The following NCEH1 variants were observed in gnomAD, a reference collection of about 807,000 sequenced individuals.
NCEH1 encodes the protein neutral cholesterol ester hydrolase 1.
A neutral mutation model predicts 25.4 loss-of-function variants in NCEH1; 9 were observed. The observed-to-expected ratio is 0.35, with a 90% CI of 0.21 to 0.62. The LOEUF (loss-of-function observed/expected upper bound fraction) is 0.62. Among genes scored for constraint, NCEH1 ranks in the 20% least tolerant of loss-of-function variants. The pLI is 0.72. For missense variants in NCEH1, 412 were observed against 501.1 expected, an observed-to-expected ratio of 0.82 and a Z score of 1.70; for synonymous variants, 200 against 199.8, an observed-to-expected ratio of 1.00 and a Z score of -0.01.
At chr3:172,680,557 T>C (rs1712295432) in intron 1 of NCEH1, among the ~76,000 whole-genome samples, 1 of 151,936 alleles carries the variant, frequency 6.6e-6, no homozygotes, top group Non-Finnish European at 1.5e-5. Context: ...TGGACAGCCA[T>C]AAATGGATGG....
chr3:172,710,066 C>T (rs1381419843), intron 1 of NCEH1, among the ~76,000 whole-genome samples: 1 of 152,188 alleles, frequency 6.6e-6, no homozygotes, highest in Admixed American at 6.5e-5. Context: ...TGAACACACG[C>T]CCATGATACA....
chr3:172,671,115 T>C (rs1390623230), intron 1 of NCEH1, among the ~76,000 whole-genome samples: 1 of 146,856 alleles, frequency 6.8e-6, no homozygotes, highest in Non-Finnish European at 1.5e-5. Context: ...TGTGACAATA[T>C]TAAATTCAAT....
intron 1 of NCEH1, among the ~76,000 whole-genome samples, chr3:172,668,347 C>CTTTTTTTTTTTTTTTTTTTTTT (rs1560193718): frequency 1.1e-5 from 1 of 87,366 alleles, no homozygotes; most frequent in Non-Finnish European, 2.3e-5. Flanking sequence ...GAAAAGGAAG[C>CTTTTTTTTTTTTTTTTTTTTTT]ATTTTTTTTT....
intron 1 of NCEH1, among the ~76,000 whole-genome samples, chr3:172,653,283 A>AAG (rs1717501883): frequency 6.6e-6 from 1 of 152,156 alleles, no homozygotes. Flanking sequence ...CTGATGGCTG[A>AAG]AGATCAAAGG....
chr3:172,683,068 G>A (rs1330980904), intron 1 of NCEH1, among the ~76,000 whole-genome samples: 1 of 152,164 alleles, frequency 6.6e-6, no homozygotes, highest in Admixed American at 6.5e-5. Context: ...AAGATAGTTG[G>A]CCAGATGCGG....
At chr3:172,667,886 A>C (rs1718298944) in intron 1 of NCEH1, among the ~76,000 whole-genome samples, 1 of 152,200 alleles carries the variant, frequency 6.6e-6, no homozygotes. Context: ...CTCTTTTAGC[A>C]ATCATATTGG....
intron 1 of NCEH1, among the ~76,000 whole-genome samples, chr3:172,677,024 C>A (rs1384384295): frequency 6.6e-6 from 1 of 152,128 alleles, no homozygotes; most frequent in African/African-American, 2.4e-5. Flanking sequence ...CTGCTAAAAG[C>A]CTCCCTTGAT....
intron 2 of NCEH1, among the ~76,000 whole-genome samples, chr3:172,646,482 T>C (rs1236154530): frequency 2.6e-5 from 4 of 152,194 alleles, no homozygotes; most frequent in Non-Finnish European, 4.4e-5. Flanking sequence ...TTTTAGGAAG[T>C]CTTAGCATTT....
chr3:172,645,523 C>T, intron 3 of NCEH1, 100 bp downstream of exon 3: 1 of 703,932 alleles, frequency 1.4e-6, no homozygotes, highest in Non-Finnish European at 2.4e-6. Flanking sequence ...AACTTGAGAC[C>T]TTTATTTTTT....
chr3:172,706,978 C>T (rs1371341321), intron 1 of NCEH1, among the ~76,000 whole-genome samples: 3 of 152,032 alleles, frequency 2.0e-5, no homozygotes, highest in Non-Finnish European at 4.4e-5. Flanking sequence ...ATCTTTATAG[C>T]TAGAGGTTTG....
intron 1 of NCEH1, among the ~76,000 whole-genome samples, chr3:172,687,831 AGGT>A (rs1381691016): frequency 6.6e-6 from 1 of 152,246 alleles, no homozygotes; most frequent in Admixed American, 6.5e-5. Context: ...TAACATGTGC[AGGT>A]CAGTCTCTGG....
intron 1 of NCEH1, among the ~76,000 whole-genome samples, chr3:172,653,763 T>TTTTTTTTTTTTTTTTTTTTTG (rs1717553623): frequency 4.1e-5 from 4 of 97,854 alleles, no homozygotes; most frequent in South Asian, 3.5e-4. Flanking sequence ...TTTTTTTGTT[T>TTTTTTTTTTTTTTTTTTTTTG]TTTTTTTTTT....
chr3:172,650,811 C>CA (rs1717362772), intron 1 of NCEH1, among the ~76,000 whole-genome samples: 6 of 89,992 alleles, frequency 6.7e-5, no homozygotes, highest in African/African-American at 2.0e-4. Context: ...GACTCTGCCT[C>CA]GAAAAAAAAA....
Position 172,633,220 on chromosome 3 carries a change from A to C in NCEH1, c.*255T>G. 2.1e-6 allele frequency: 1 copy of C among 467,630 alleles called. No individual in the cohort carries two copies. Among genetic ancestry groups the C allele is most frequent in the Non-Finnish European group, 3.9e-6 (1 of 258,502 alleles). 29.0% of individuals were successfully genotyped at this position (467,630 alleles called of 1,614,324 possible). A position where few individuals can be genotyped will look rare whatever the true frequency, so the allele number is the denominator to read the frequency against. On this transcript the variant is annotated 3_prime_UTR_variant, in exon 5 of 5. Coordinates refer to ENST00000475381, the MANE Select transcript of NCEH1 (RefSeq NM_020792.6). ...GCTTTCTGTAGCTGTAGGTATCAGTATAGTTGGCTAAGATAACAAGAACAG... is the reference window on the plus strand; with the variant it reads ...GCTTTCTGTAGCTGTAGGTATCAGTCTAGTTGGCTAAGATAACAAGAACAG...
intron 1 of NCEH1, among the ~76,000 whole-genome samples, chr3:172,697,204 C>T (rs919787383): frequency 5.9e-5 from 9 of 151,958 alleles, no homozygotes; most frequent in East Asian, 1.9e-4. Flanking sequence ...GCTAGGGTAA[C>T]GGGCGTGAGC....
rs560645366 is a variant in NCEH1, at chr3:172,698,131, C to T, written c.138+12716G>A. Among the ~76,000 whole-genome samples the T allele has an allele frequency of 3.3e-5, 5 of 152,102 alleles. No individual in the cohort carries two copies. In the South Asian group the frequency reaches 8.3e-4, roughly 25 times the overall value. On this transcript the variant is annotated intron_variant, in intron 1 of 4. Transcript: ENST00000475381. ...AGCTGGGATTACAGGCACCCGCCACCATGCCCGGCTAATTTTTGTATTTTT... is the reference window on the plus strand; with the variant it reads ...AGCTGGGATTACAGGCACCCGCCACTATGCCCGGCTAATTTTTGTATTTTT...
intron 1 of NCEH1, among the ~76,000 whole-genome samples, chr3:172,708,916 G>A (rs1312074340): frequency 6.6e-6 from 1 of 152,136 alleles, no homozygotes; most frequent in African/African-American, 2.4e-5. Context: ...AGGTGACACT[G>A]GAAAATTGCT....
At position 172,633,211 on chromosome 3, in the gene NCEH1, G is replaced by A; in HGVS notation, c.*264C>T. 1 of 412,970 alleles carries A rather than the reference G, an allele frequency of 2.4e-6. No homozygotes were observed. 25.6% of individuals were successfully genotyped at this position (412,970 alleles called of 1,614,324 possible). ...CCTAGTCCTGCTTTCTGTAGCTGTA[G>A]GTATCAGTATAGTTGGCTAAGATAA... On this transcript the variant is annotated 3_prime_UTR_variant, in exon 5 of 5. Coordinates refer to ENST00000475381, the MANE Select transcript of NCEH1 (RefSeq NM_020792.6).
At chr3:172,697,546 T>G (rs1713440008) in intron 1 of NCEH1, among the ~76,000 whole-genome samples, 1 of 152,222 alleles carries the variant, frequency 6.6e-6, no homozygotes, top group Admixed American at 6.5e-5. Flanking sequence ...CAAGTTTTTT[T>G]TTTTTAAACT....
Sources: allele counts gnomAD v4.1 joint callset (sites outside exome capture counted in the v4.1 genomes callset), GRCh38; gene constraint gnomAD v4.1.1; transcripts MANE v1.5; gene names NCBI Gene and HGNC (gene_info 2026-07-23, HGNC 2026-07-21).